The following CRACDL variants were observed in gnomAD, a reference collection of about 807,000 sequenced individuals.
CRACDL encodes the protein CRACD like.
CRACDL carries 26 observed loss-of-function variants against 70.6 expected under a neutral mutation model. The ratio of observed to expected loss-of-function variants is 0.37; its 90% CI spans 0.27 to 0.51. CRACDL has a LOEUF of 0.51. CRACDL is among the 20% of genes least tolerant of loss of function. The probability of loss-of-function intolerance (pLI) is 0.94; values close to 1 mark genes in which losing one functional copy is unlikely to be tolerated. For missense variants in CRACDL, 1,283 were observed against 1,376.9 expected, an observed-to-expected ratio of 0.93 and a Z score of 1.08; for synonymous variants, 618 against 615.2, an observed-to-expected ratio of 1.00 and a Z score of -0.07.
At chr2:98,922,010 G>A (rs1488734893) in intron 1 of CRACDL, among the ~76,000 whole-genome samples, 2 of 152,156 alleles carry the variant, frequency 1.3e-5, no homozygotes, top group African/African-American at 2.4e-5. Flanking sequence ...CAGTACAAAG[G>A]TGAATATATT....
At chr2:98,878,097 C>G (rs1405275263) in intron 1 of CRACDL, among the ~76,000 whole-genome samples, 4 of 152,050 alleles carry the variant, frequency 2.6e-5, no homozygotes, top group South Asian at 2.1e-4. Context: ...CAGGCGTGCG[C>G]CACCATACCC....
chr2:98,796,134 G>C lies in CRACDL; in HGVS notation c.2735C>G (p.Ser912Cys). 1 of 1,614,072 alleles carries C rather than the reference G, an allele frequency of 6.2e-7. No individual in the cohort carries two copies. The highest frequency in any genetic ancestry group is 1.7e-5 in the Admixed American group (1 of 60,032). The change falls in exon 9 of 10, where the codon TCC (serine) becomes TGC (cysteine). Residue 912 changes from serine (S) to cysteine (C), a missense_variant. Ser to Cys is a moderately radical substitution (Grantham distance 112). Transcript: ENST00000397899. ...AGATTTCATACCCAAGTTCTGATGG[G>C]ACAATGAGATTCCTCTTTGCAGCCC... ...KEGLQRGISL[S>C]HQNLAQSAVM... is the part of the protein sequence containing the mutation.
At chr2:98,870,870 T>A (rs1227291571) in intron 1 of CRACDL, among the ~76,000 whole-genome samples, 4 of 152,126 alleles carry the variant, frequency 2.6e-5, no homozygotes, top group African/African-American at 4.8e-5. Flanking sequence ...AGCATACAGG[T>A]CATGCCCAGC....
intron 1 of CRACDL, among the ~76,000 whole-genome samples, chr2:98,879,882 C>T (rs895809926): frequency 6.6e-6 from 1 of 152,172 alleles, no homozygotes; most frequent in East Asian, 1.9e-4. Flanking sequence ...AAAAAAGCAG[C>T]GAAGCCTCAA....
At chr2:98,797,601 G>A in intron 7 of CRACDL, 64 bp from the exon 8 acceptor site, 1 of 1,496,912 alleles carries the variant, frequency 6.7e-7, no homozygotes, top group South Asian at 1.2e-5. Context: ...CACCCTTTGT[G>A]TCTCCTGCAC....
chr2:98,859,205 T>C (rs1360880599), intron 1 of CRACDL, among the ~76,000 whole-genome samples: 2 of 152,204 alleles, frequency 1.3e-5, no homozygotes, highest in South Asian at 2.1e-4. Flanking sequence ...CCAATATCTC[T>C]TATGCATATA....
intron 1 of CRACDL, among the ~76,000 whole-genome samples, chr2:98,932,509 G>C (rs1340096293): frequency 6.6e-6 from 1 of 152,134 alleles, no homozygotes; most frequent in East Asian, 1.9e-4. Context: ...GCACACAGGG[G>C]GTTGCTCTGA....
At chr2:98,889,243 AAG>A (rs1365745588) in intron 1 of CRACDL, among the ~76,000 whole-genome samples, 2 of 151,472 alleles carry the variant, frequency 1.3e-5, no homozygotes, top group Non-Finnish European at 2.9e-5. Flanking sequence ...AAGAAAAAGA[AAG>A]AGAGAAAGAG....
chr2:98,904,884 G>A (rs1209661121), intron 1 of CRACDL, among the ~76,000 whole-genome samples: 1 of 152,174 alleles, frequency 6.6e-6, no homozygotes, highest in African/African-American at 2.4e-5. Flanking sequence ...CCGGTCGCGG[G>A]GGCGGATCCC....
intron 2 of CRACDL, among the ~76,000 whole-genome samples, chr2:98,838,566 T>C (rs917121366): frequency 1.3e-5 from 2 of 152,238 alleles, no homozygotes; most frequent in Admixed American, 6.5e-5. Flanking sequence ...TTTCCTCTCA[T>C]GTATAATCAA....
chr2:98,884,932 G>T (rs575501564), intron 1 of CRACDL, among the ~76,000 whole-genome samples: 1 of 152,328 alleles, frequency 6.6e-6, no homozygotes, highest in African/African-American at 2.4e-5. Flanking sequence ...CTGAAAAACA[G>T]GAGGATGGAC....
chr2:98,829,223 G>C (rs1705439419), intron 5 of CRACDL, among the ~76,000 whole-genome samples: 1 of 152,258 alleles, frequency 6.6e-6, no homozygotes, highest in South Asian at 2.1e-4. Context: ...CCCTGCGTCT[G>C]TCCTGCTTGG....
At chr2:98,873,933 G>A (rs1707415839) in intron 1 of CRACDL, among the ~76,000 whole-genome samples, 1 of 152,192 alleles carries the variant, frequency 6.6e-6, no homozygotes, top group African/African-American at 2.4e-5. Context: ...TTGAACCCAG[G>A]AGGCAGAGGT....
intron 1 of CRACDL, among the ~76,000 whole-genome samples, chr2:98,909,956 G>C (rs1381366121): frequency 6.6e-6 from 1 of 152,168 alleles, no homozygotes; most frequent in Non-Finnish European, 1.5e-5. Context: ...GCAGGAAATG[G>C]CTGCATTTTG....
At chr2:98,885,314 GTC>G (rs530033819) in intron 1 of CRACDL, among the ~76,000 whole-genome samples, 73 of 152,270 alleles carry the variant, frequency 4.8e-4, no homozygotes, top group South Asian at 1.2e-3. Flanking sequence ...TGATTTAAAG[GTC>G]TCTCTTTTAA....
intron 4 of CRACDL, 27 bp downstream of exon 4, chr2:98,832,835 A>G: frequency 6.2e-7 from 1 of 1,612,756 alleles, no homozygotes; most frequent in Non-Finnish European, 8.5e-7. Context: ...CTTGCACACC[A>G]GGCGACATGA....
intron 1 of CRACDL, among the ~76,000 whole-genome samples, chr2:98,935,198 C>CT (rs1378950260): frequency 6.6e-6 from 1 of 152,114 alleles, no homozygotes; most frequent in Non-Finnish European, 1.5e-5. Context: ...AAAAGGGTAA[C>CT]ACAGCTGCCT....
chr2:98,834,656 T>C (rs1386838657), intron 3 of CRACDL, among the ~76,000 whole-genome samples: 1 of 152,234 alleles, frequency 6.6e-6, no homozygotes, highest in Non-Finnish European at 1.5e-5. Flanking sequence ...GATACCTACA[T>C]TGACAACTTT....
intron 1 of CRACDL, among the ~76,000 whole-genome samples, chr2:98,860,245 C>T (rs1403089210): frequency 6.6e-6 from 1 of 152,298 alleles, no homozygotes; most frequent in Admixed American, 6.5e-5. Flanking sequence ...AGAATCAATG[C>T]AACCTTTATC....
Sources: allele counts gnomAD v4.1 joint callset (sites outside exome capture counted in the v4.1 genomes callset), GRCh38; gene constraint gnomAD v4.1.1; transcripts MANE v1.5; gene names NCBI Gene and HGNC (gene_info 2026-07-23, HGNC 2026-07-21).